Variants in TAFA2 observed in about 807,000 individuals in gnomAD.
TAFA2 encodes chemokine-like protein TAFA-2.
In TAFA2, 7 loss-of-function variants were observed where a neutral mutation model predicts 18.8. That is an observed-to-expected ratio of 0.37 (90% CI 0.21 to 0.70). The LOEUF is 0.70. Ranked by LOEUF, TAFA2 falls within the 30% of genes least tolerant of loss-of-function variation. TAFA2 has a pLI of 0.53. For synonymous variants in TAFA2, 60 were observed against 54.2 expected, an observed-to-expected ratio of 1.11 and a Z score of -0.47; for missense variants, 122 against 158.1, an observed-to-expected ratio of 0.77 and a Z score of 1.23.
At chr12:62,006,290 C>A (rs1481354634) in intron 1 of TAFA2, among the ~76,000 whole-genome samples, 1 of 151,938 alleles carries the variant, frequency 6.6e-6, no homozygotes, top group Non-Finnish European at 1.5e-5. Flanking sequence ...TTTTTGTTGA[C>A]AAAGGCAAAC....
chr12:62,169,704 A>G (rs1228849896), intron 1 of TAFA2, among the ~76,000 whole-genome samples: 4 of 152,040 alleles, frequency 2.6e-5, no homozygotes, highest in Non-Finnish European at 5.9e-5. Flanking sequence ...ACAAAAAATT[A>G]GCCTGGCATA....
intron 1 of TAFA2, among the ~76,000 whole-genome samples, chr12:62,141,755 G>A (rs1013920701): frequency 1.3e-5 from 2 of 152,150 alleles, no homozygotes. Context: ...GGAGCTGAAT[G>A]ACTATTTTAT....
intron 1 of TAFA2, among the ~76,000 whole-genome samples, chr12:62,245,272 G>T (rs935069425): frequency 6.6e-6 from 1 of 152,096 alleles, no homozygotes; most frequent in Admixed American, 6.5e-5. Context: ...TGGAACCTCT[G>T]TTATATTTCA....
At chr12:61,953,998 C>T (rs1006893295) in intron 1 of TAFA2, among the ~76,000 whole-genome samples, 10 of 152,088 alleles carry the variant, frequency 6.6e-5, no homozygotes, top group African/African-American at 1.7e-4. Flanking sequence ...AAATTAAAGA[C>T]GTACAAGTGC....
intron 1 of TAFA2, among the ~76,000 whole-genome samples, chr12:61,964,062 A>G (rs1878985299): frequency 6.6e-6 from 1 of 152,066 alleles, no homozygotes; most frequent in African/African-American, 2.4e-5. Flanking sequence ...TACACCTTAT[A>G]CAAAAATTAA....
chr12:61,772,301 AAAG>A (rs1870063913), intron 2 of TAFA2, among the ~76,000 whole-genome samples: 1 of 152,026 alleles, frequency 6.6e-6, no homozygotes, highest in Admixed American at 6.6e-5. Flanking sequence ...TCAGACATTC[AAAG>A]AAGAACTAGT....
In TAFA2 at chr12:62,118,275, T is replaced by A. The variant is rs151121628; in HGVS notation, c.-2+72984A>T. On this transcript the variant is annotated intron_variant, in intron 1 of 4. Transcript: ENST00000416284. Reference sequence around the variant, plus strand: ...CTTGCTATTTTTGTGCAGTATTATATTGCTAAAATTTATTCATATTTGTAA... The same window carrying A: ...CTTGCTATTTTTGTGCAGTATTATAATGCTAAAATTTATTCATATTTGTAA... Among the ~76,000 whole-genome samples, 565 of 152,286 alleles carry A rather than the reference T, an allele frequency of 3.7e-3. 3 individuals are homozygous for A. The highest frequency in any genetic ancestry group is 0.013 in the African/African-American group (534 of 41,586).
At chr12:61,888,134 A>G (rs1875471032) in intron 1 of TAFA2, among the ~76,000 whole-genome samples, 1 of 152,084 alleles carries the variant, frequency 6.6e-6, no homozygotes, top group Non-Finnish European at 1.5e-5. Flanking sequence ...TGTTGGTGGG[A>G]CTGTAAACTA....
intron 2 of TAFA2, among the ~76,000 whole-genome samples, chr12:61,755,322 A>T (rs1211584290): frequency 6.6e-6 from 1 of 152,158 alleles, no homozygotes; most frequent in Non-Finnish European, 1.5e-5. Context: ...ATTTATTTGC[A>T]TATGACTTTT....
intron 1 of TAFA2, among the ~76,000 whole-genome samples, chr12:61,997,233 T>C (rs1014726710): frequency 2.0e-5 from 3 of 146,834 alleles, no homozygotes; most frequent in Admixed American, 1.4e-4. Flanking sequence ...GTAAGTGCAA[T>C]TTAAAAAAGT....
Position 61,992,467 on chromosome 12 carries a change from T to C in TAFA2, c.-1-125041A>G, listed in dbSNP as rs535276073. Among the ~76,000 whole-genome samples the C allele has an allele frequency of 1.4e-4, 22 of 152,304 alleles. No homozygotes were observed. The South Asian group carries it at 4.6e-3, about 32-fold the overall frequency. ...TCCCTAAACCCTCTTTGCCTCTCAC[T>C]TGGACTTCTTGCAAGAACATCCCTG... On this transcript the variant is annotated intron_variant, in intron 1 of 4. Transcript: ENST00000416284.
chr12:61,725,201 A>G (rs1435402174), intron 4 of TAFA2, among the ~76,000 whole-genome samples: 1 of 151,998 alleles, frequency 6.6e-6, no homozygotes, highest in African/African-American at 2.4e-5. Flanking sequence ...TTGGATGCAT[A>G]GTTTGCAAGT....
At chr12:62,087,609 A>G (rs1868509696) in intron 1 of TAFA2, among the ~76,000 whole-genome samples, 1 of 152,168 alleles carries the variant, frequency 6.6e-6, no homozygotes, top group Admixed American at 6.6e-5. Context: ...GATCCTGGGA[A>G]TGTAGATAAG....
intron 1 of TAFA2, among the ~76,000 whole-genome samples, chr12:61,919,003 G>T (rs1276233236): frequency 6.6e-6 from 1 of 152,182 alleles, no homozygotes; most frequent in Non-Finnish European, 1.5e-5. Flanking sequence ...TTGGGTTGTT[G>T]CAAGGATTAA....
intron 4 of TAFA2, among the ~76,000 whole-genome samples, chr12:61,725,085 T>C (rs1214353341): frequency 6.6e-6 from 1 of 151,564 alleles, no homozygotes; most frequent in Non-Finnish European, 1.5e-5. Context: ...TGGCAATTTG[T>C]ATATCTTTCT....
chr12:61,769,924 TC>T (rs1869952967), intron 2 of TAFA2, among the ~76,000 whole-genome samples: 1 of 151,914 alleles, frequency 6.6e-6, no homozygotes, highest in South Asian at 2.1e-4. Flanking sequence ...ATTCAAAAGG[TC>T]AATTATTAAG....
chr12:61,799,923 C>T (rs1871340089), intron 2 of TAFA2, among the ~76,000 whole-genome samples: 1 of 152,190 alleles, frequency 6.6e-6, no homozygotes, highest in East Asian at 1.9e-4. Flanking sequence ...ACAGAAGTCA[C>T]TGGTGTTCTG....
chr12:61,970,063 A>C (rs568100977), intron 1 of TAFA2, among the ~76,000 whole-genome samples: 2 of 151,706 alleles, frequency 1.3e-5, no homozygotes, highest in African/African-American at 2.4e-5. Flanking sequence ...TTCAACTCTG[A>C]GGATATTTTT....
At chr12:61,954,243 A>G (rs1458891318) in intron 1 of TAFA2, among the ~76,000 whole-genome samples, 1 of 152,152 alleles carries the variant, frequency 6.6e-6, no homozygotes, top group Non-Finnish European at 1.5e-5. Flanking sequence ...GGATTTATAT[A>G]GAAATAAAGT....
Sources: allele counts gnomAD v4.1 joint callset (sites outside exome capture counted in the v4.1 genomes callset), GRCh38; gene constraint gnomAD v4.1.1; transcripts MANE v1.5; gene names NCBI Gene and HGNC (gene_info 2026-07-23, HGNC 2026-07-21).